The following RHBDL2 variants were observed in gnomAD, a reference collection of about 807,000 sequenced individuals.
RHBDL2 encodes the protein rhomboid like 2.
RHBDL2 carries 26 observed loss-of-function variants against 31.7 expected under a neutral mutation model. The observed-to-expected ratio is 0.82, with a 90% CI of 0.60 to 1.14. RHBDL2 has a LOEUF of 1.14. Ranked by LOEUF, RHBDL2 falls within the 50% of genes most tolerant of loss-of-function variation. RHBDL2 has a pLI of 0.00. For missense variants in RHBDL2, 336 were observed against 364.4 expected, an observed-to-expected ratio of 0.92 and a Z score of 0.63; for synonymous variants, 123 against 127.2, an observed-to-expected ratio of 0.97 and a Z score of 0.22.
intron 5 of RHBDL2, 141 bp from the exon 6 acceptor site, chr1:38,893,365 C>A: frequency 4.0e-6 from 2 of 503,052 alleles, no homozygotes; most frequent in East Asian, 3.1e-5. Flanking sequence ...GTGTCACAGC[C>A]GAGTTTTTAA....
rs141749234 is a variant in RHBDL2, at chr1:38,928,136, T to C, written c.-125-8799A>G. 2.3e-3 allele frequency among the ~76,000 whole-genome samples: 334 copies of C among 147,576 alleles called. 6 individuals carry two copies. In the East Asian group the frequency reaches 0.047, roughly 21 times the overall value. ...GAAGATTTTAAAATGTAAATTTTTT[T>C]CTTTCTTTTTTTTTTTTTTTTTTGA... is the stretch of plus-strand genomic sequence containing the variant. On this transcript the variant is annotated intron_variant, in intron 1 of 7. Coordinates refer to ENST00000372990, the MANE Select transcript of RHBDL2 (RefSeq NM_017821.5).
intron 4 of RHBDL2, among the ~76,000 whole-genome samples, chr1:38,908,453 T>C (rs1468550280): frequency 7.1e-6 from 1 of 140,676 alleles, no homozygotes; most frequent in Non-Finnish European, 1.5e-5. Flanking sequence ...TGGAGGTTGC[T>C]GTGAGCTGAG....
rs71057159 is a variant in RHBDL2 at position 38,894,707 on chromosome 1, CTT to C, written c.609+1260_609+1261del. Among the ~76,000 whole-genome samples the C allele has an allele frequency of 7.1e-4, 81 of 114,180 alleles. 8 individuals carry two copies. Among genetic ancestry groups the C allele is most frequent in the Admixed American group, 1.8e-3 (17 of 9,616 alleles). 74.9% of individuals were successfully genotyped at this position (114,180 alleles called of 152,430 possible). A position where few individuals can be genotyped will look rare whatever the true frequency, so the allele number is the denominator to read the frequency against. On this transcript the variant is annotated intron_variant, in intron 5 of 7. Coordinates refer to ENST00000372990, the MANE Select transcript of RHBDL2 (RefSeq NM_017821.5). ...TCTTTTCTTTTTTTTCTTTTTTTTT[CTT>C]TTTTTTTTTTTTTTTTGAGACAGAG...
chr1:38,917,218 C>T (rs987626435), intron 2 of RHBDL2, among the ~76,000 whole-genome samples: 11 of 151,802 alleles, frequency 7.2e-5, no homozygotes, highest in African/African-American at 2.2e-4. Flanking sequence ...AGGGTTTCAC[C>T]GTGTTAGCCA....
chr1:38,934,586 G>T (rs1643471918), intron 1 of RHBDL2, among the ~76,000 whole-genome samples: 1 of 147,578 alleles, frequency 6.8e-6, no homozygotes, highest in African/African-American at 2.5e-5. Flanking sequence ...AACCCGGGAG[G>T]TGGAGGTTGC....
Position 38,933,546 on chromosome 1 carries a change from G to T in RHBDL2, c.-126+8136C>A, listed in dbSNP as rs139598162. Among the ~76,000 whole-genome samples, 53 of 152,262 alleles carry T rather than the reference G, an allele frequency of 3.5e-4. No homozygotes were observed. In the East Asian group the frequency reaches 0.01, roughly 29 times the overall value. On this transcript the variant is annotated intron_variant, in intron 1 of 7. Transcript: ENST00000372990. ...CATGAATGGAGAAGGAAGGAAAAGG[G>T]AAGTATCATGGAAAGAGCTCTGACA...
chr1:38,935,783 T>C (rs1332284116), intron 1 of RHBDL2, among the ~76,000 whole-genome samples: 2 of 151,988 alleles, frequency 1.3e-5, no homozygotes, highest in Non-Finnish European at 2.9e-5. Context: ...TGGCTAACTT[T>C]TGTATTTTTT....
At chr1:38,929,309 C>T (rs1348080739) in intron 1 of RHBDL2, 12 of 966,180 alleles carry the variant, frequency 1.2e-5, no homozygotes, top group Admixed American at 2.5e-5. Context: ...CCCACTGCTA[C>T]GACGAGGACT....
At chr1:38,926,063 G>C in intron 1 of RHBDL2, 3 of 1,244,990 alleles carry the variant, frequency 2.4e-6, no homozygotes, top group South Asian at 2.6e-5. Context: ...ATCTTCTCCT[G>C]GTGGGCAGCA....
chr1:38,912,116 C>T (rs1205387511), intron 3 of RHBDL2, among the ~76,000 whole-genome samples: 4 of 152,022 alleles, frequency 2.6e-5, no homozygotes, highest in Admixed American at 2.0e-4. Flanking sequence ...TGATTACAAG[C>T]ATGCGCCACC....
intron 1 of RHBDL2, among the ~76,000 whole-genome samples, chr1:38,933,993 G>C (rs779634634): frequency 1.6e-4 from 25 of 152,120 alleles, no homozygotes; most frequent in Admixed American, 6.5e-5. Context: ...CTCCCAAAGA[G>C]CTGGGATTAC....
rs757841602 is a variant in RHBDL2, at chr1:38,894,953, C to T, written c.609+1016G>A. ...ATCTCTTGACCTCATGATCCACTCA[C>T]CTTGGCCTCCCACAGTGTTGGGATT... On this transcript the variant is annotated intron_variant, in intron 5 of 7. Transcript: ENST00000372990. 1.5e-3 allele frequency among the ~76,000 whole-genome samples: 229 copies of T among 152,304 alleles called. 7 individuals carry two copies. Among genetic ancestry groups the T allele is most frequent in the Non-Finnish European group, 4.9e-4 (33 of 68,038 alleles).
chr1:38,922,507 G>A lies in RHBDL2; in HGVS notation c.-125-3170C>T, dbSNP rs1445163504. Among the ~76,000 whole-genome samples the A allele has an allele frequency of 2.9e-4, 29 of 101,178 alleles. 1 individual carries two copies. Among genetic ancestry groups the A allele is most frequent in the East Asian group, 9.9e-4 (4 of 4,030 alleles). The allele number at this position is 101,178 out of a possible 152,430, so 66.4% of individuals were successfully genotyped here. On this transcript the variant is annotated intron_variant, in intron 1 of 7. Transcript: ENST00000372990. ...TGGTCTCAAACTCCTGGGCTCAAGCGATCCTCCCGCCTCAGCCTCCCAAAG... is the reference window on the plus strand; with the variant it reads ...TGGTCTCAAACTCCTGGGCTCAAGCAATCCTCCCGCCTCAGCCTCCCAAAG...
At chr1:38,913,492 T>G (rs1294832216) in intron 3 of RHBDL2, 1 of 151,928 alleles carries the variant, frequency 6.6e-6, no homozygotes, top group Non-Finnish European at 1.5e-5. Flanking sequence ...AGTGTCATCC[T>G]TTCTATTTTA....
chr1:38,915,161 T>A (rs1331928613), intron 3 of RHBDL2, among the ~76,000 whole-genome samples: 2 of 150,230 alleles, frequency 1.3e-5, no homozygotes, highest in Non-Finnish European at 3.0e-5. Flanking sequence ...AGATGGAGTC[T>A]CACTCTTGTC....
intron 4 of RHBDL2, among the ~76,000 whole-genome samples, chr1:38,906,534 T>C (rs1488352868): frequency 2.6e-5 from 4 of 151,226 alleles, no homozygotes; most frequent in African/African-American, 9.7e-5. Flanking sequence ...ATTAGCTGGG[T>C]GTGGTGGTGG....
chr1:38,934,228 A>T (rs1359879210), intron 1 of RHBDL2, among the ~76,000 whole-genome samples: 1 of 151,910 alleles, frequency 6.6e-6, no homozygotes, highest in Non-Finnish European at 1.5e-5. Flanking sequence ...GGTGCCTGTA[A>T]TCCCAGCTAC....
At chr1:38,924,204 C>G (rs1471791930) in intron 1 of RHBDL2, among the ~76,000 whole-genome samples, 2 of 152,110 alleles carry the variant, frequency 1.3e-5, no homozygotes, top group Admixed American at 6.5e-5. Flanking sequence ...CTTGACCTGT[C>G]AAAGCATTGA....
At chr1:38,930,804 G>C (rs1001756716) in intron 1 of RHBDL2, among the ~76,000 whole-genome samples, 9 of 152,190 alleles carry the variant, frequency 5.9e-5, no homozygotes, top group African/African-American at 1.9e-4. Context: ...ATATTTGTGG[G>C]CATTTCTCAA....
Sources: allele counts gnomAD v4.1 joint callset (sites outside exome capture counted in the v4.1 genomes callset), GRCh38; gene constraint gnomAD v4.1.1; transcripts MANE v1.5; gene names NCBI Gene and HGNC (gene_info 2026-07-23, HGNC 2026-07-21).